Variants in PDE4D observed in about 807,000 individuals in gnomAD.
PDE4D encodes the protein 3',5'-cyclic-AMP phosphodiesterase 4D.
PDE4D carries 24 observed loss-of-function variants against 87.4 expected under a neutral mutation model. That is an observed-to-expected ratio of 0.27 (90% CI 0.20 to 0.39). The LOEUF is 0.39. Among genes scored for constraint, PDE4D ranks in the 10% least tolerant of loss-of-function variants. The pLI, the probability that PDE4D is intolerant of heterozygous loss-of-function variation, is 1.00. For missense variants in PDE4D, 714 were observed against 1,041.0 expected, an observed-to-expected ratio of 0.69 and a Z score of 4.32; for synonymous variants, 384 against 383.2, an observed-to-expected ratio of 1.00 and a Z score of -0.02.
chr5:59,633,761 C>A (rs1831871104), intron 1 of PDE4D, among the ~76,000 whole-genome samples: 2 of 152,168 alleles, frequency 1.3e-5, no homozygotes, highest in Non-Finnish European at 2.9e-5. Flanking sequence ...AAAGGAAAAA[C>A]TGATACCAGC....
In PDE4D at chr5:59,262,237, G is replaced by A. The variant is rs148031103; in HGVS notation, c.456-46269C>T. The stretch of plus-strand genomic sequence containing the variant: ...CAGCAGGGTACCTGTGGCAGAACAA[G>A]CTTAATAAACACTTAAATAAAGCAA... On this transcript the variant is annotated intron_variant, in intron 1 of 14. Transcript: ENST00000340635. Among the ~76,000 whole-genome samples the A allele has an allele frequency of 6.1e-4, 93 of 152,022 alleles. 1 individual carries two copies. In the East Asian group the frequency reaches 0.016, roughly 26 times the overall value.
chr5:59,856,512 A>T (rs1745464466), intron 1 of PDE4D, among the ~76,000 whole-genome samples: 1 of 152,222 alleles, frequency 6.6e-6, no homozygotes, highest in Non-Finnish European at 1.5e-5. Context: ...TTCTTTTCAG[A>T]ATACGGGAAA....
At chr5:60,179,901 T>C (rs188625981) in intron 2 of PDE4D, among the ~76,000 whole-genome samples, 1 of 152,316 alleles carries the variant, frequency 6.6e-6, no homozygotes, top group African/African-American at 2.4e-5. Context: ...ATGCTTTTCT[T>C]CAAAATTTCA....
intron 3 of PDE4D, among the ~76,000 whole-genome samples, chr5:59,975,582 T>G (rs1243537759): frequency 6.6e-6 from 1 of 152,244 alleles, no homozygotes; most frequent in African/African-American, 2.4e-5. Context: ...CCTTGCCCTA[T>G]TTTTCTTATA....
intron 1 of PDE4D, among the ~76,000 whole-genome samples, chr5:60,313,842 A>G (rs539215525): frequency 3.9e-5 from 6 of 152,366 alleles, no homozygotes; most frequent in Admixed American, 6.5e-5. Context: ...AACAGAAACT[A>G]CATGATCACC....
intron 1 of PDE4D, among the ~76,000 whole-genome samples, chr5:59,391,537 T>C (rs1439262946): frequency 6.6e-6 from 1 of 152,182 alleles, no homozygotes; most frequent in African/African-American, 2.4e-5. Context: ...TCTCTCTTTC[T>C]TCCCTTATTC....
At chr5:59,233,365 T>C (rs184261218) in intron 1 of PDE4D, among the ~76,000 whole-genome samples, 1 of 152,326 alleles carries the variant, frequency 6.6e-6, no homozygotes, top group Admixed American at 6.5e-5. Context: ...AATGTTATTC[T>C]GAAGCAAAAT....
intron 2 of PDE4D, among the ~76,000 whole-genome samples, chr5:60,157,852 CTTTTCTT>C (rs921221141): frequency 4.3e-4 from 65 of 152,072 alleles, no homozygotes; most frequent in Admixed American, 2.9e-3. Context: ...CCATTCTTTT[CTTTTCTT>C]TTTTCTTTTT....
At chr5:59,626,849 C>T (rs759398501) in intron 1 of PDE4D, among the ~76,000 whole-genome samples, 4 of 152,092 alleles carry the variant, frequency 2.6e-5, no homozygotes, top group Admixed American at 2.0e-4. Context: ...AATATATATG[C>T]TTCTATTGCT....
intron 2 of PDE4D, among the ~76,000 whole-genome samples, chr5:60,140,596 G>A (rs1423113667): frequency 6.6e-6 from 1 of 151,344 alleles, no homozygotes; most frequent in Admixed American, 6.6e-5. Context: ...GAATAAAAAT[G>A]TTGCCCAGTA....
rs1186934681 is a variant in PDE4D at position 60,367,616 on chromosome 5, A to G, written c.-90+120326T>C. Among the ~76,000 whole-genome samples, 7 of 152,100 alleles carry G rather than the reference A, an allele frequency of 4.6e-5. No homozygotes were observed. In the East Asian group the frequency reaches 1.4e-3, roughly 29 times the overall value. On this transcript the variant is annotated intron_variant, in intron 1 of 16. Coordinates refer to the PDE4D transcript ENST00000502484. ...ACTAATCTGAAATTTCTCCTGTCCT[A>G]TCTCACAGTTCAATTTCATGTTTCT...
chr5:59,850,746 G>A (rs1481127984), intron 1 of PDE4D, among the ~76,000 whole-genome samples: 6 of 152,058 alleles, frequency 3.9e-5, no homozygotes, highest in Non-Finnish European at 5.9e-5. Flanking sequence ...TATTTGAAGC[G>A]TTTTGAAAGG....
At chr5:59,891,336 C>T (rs528023138) in intron 1 of PDE4D, among the ~76,000 whole-genome samples, 2 of 152,306 alleles carry the variant, frequency 1.3e-5, no homozygotes, top group South Asian at 4.1e-4. Flanking sequence ...AATCAGCCCA[C>T]AGATCAAGCT....
chr5:60,328,092 A>G (rs114482169), intron 1 of PDE4D, among the ~76,000 whole-genome samples: 2,394 of 152,300 alleles, frequency 0.016, 30 homozygotes, highest in Middle Eastern at 0.027. Flanking sequence ...CTTATTGGGC[A>G]TTAGAATTCA....
intron 1 of PDE4D, among the ~76,000 whole-genome samples, chr5:59,245,748 T>G (rs1758720507): frequency 6.6e-6 from 1 of 152,110 alleles, no homozygotes; most frequent in African/African-American, 2.4e-5. Context: ...CCTCTCCACA[T>G]CTTGCTTTTC....
chr5:60,415,533 G>GT (rs1444545814), intron 1 of PDE4D, among the ~76,000 whole-genome samples: 2 of 152,252 alleles, frequency 1.3e-5, no homozygotes, highest in Admixed American at 1.3e-4. Context: ...CGTGGGCTTG[G>GT]TGGGCCCGCA....
intron 2 of PDE4D, among the ~76,000 whole-genome samples, chr5:60,078,396 G>C (rs922377096): frequency 2.0e-5 from 3 of 152,114 alleles, no homozygotes; most frequent in Non-Finnish European, 2.9e-5. Flanking sequence ...TTGGTTGCAA[G>C]AGATTTTCTT....
intron 1 of PDE4D, among the ~76,000 whole-genome samples, chr5:59,601,824 C>T (rs1352456497): frequency 6.6e-6 from 1 of 152,060 alleles, no homozygotes; most frequent in Admixed American, 6.6e-5. Flanking sequence ...ACTTGTACTG[C>T]TAGGTTAATA....
intron 1 of PDE4D, among the ~76,000 whole-genome samples, chr5:60,471,957 C>T (rs1291120862): frequency 3.3e-5 from 5 of 151,826 alleles, no homozygotes; most frequent in Admixed American, 1.3e-4. Flanking sequence ...GTAGCGAGCC[C>T]GGGGATAGTC....
Sources: gnomAD v4.1 joint callset for allele counts (sites outside exome capture counted in the v4.1 genomes callset) on GRCh38, gnomAD v4.1.1 for gene constraint, MANE v1.5 for transcripts, NCBI Gene and HGNC (gene_info 2026-07-23, HGNC 2026-07-21) for gene names.